The following MGAT4C variants were observed in gnomAD, a reference collection of about 807,000 sequenced individuals.
The protein encoded by MGAT4C is MGAT4 family member C.
Under a neutral mutation model 40.1 loss-of-function variants are expected in MGAT4C, and 19 were observed. The observed-to-expected ratio is 0.47, with a 90% CI of 0.33 to 0.70. MGAT4C has a LOEUF of 0.70. Among genes scored for constraint, MGAT4C ranks in the 30% least tolerant of loss-of-function variants. The probability of loss-of-function intolerance (pLI) is 0.02; values close to 1 mark genes in which losing one functional copy is unlikely to be tolerated. For missense variants in MGAT4C, 491 were observed against 563.2 expected, an observed-to-expected ratio of 0.87 and a Z score of 1.30; for synonymous variants, 181 against 187.1, an observed-to-expected ratio of 0.97 and a Z score of 0.27.
intron 1 of MGAT4C, among the ~76,000 whole-genome samples, chr12:86,757,980 G>A (rs1397667479): frequency 6.6e-6 from 1 of 152,092 alleles, no homozygotes; most frequent in African/African-American, 2.4e-5. Flanking sequence ...AGTATCCTGA[G>A]GGTGAGCTGA....
rs1011773057 is a variant in MGAT4C, at chr12:86,792,017, A to G, written c.-262+46649T>C. On this transcript the variant is annotated intron_variant, in intron 1 of 7. Coordinates refer to the MGAT4C transcript ENST00000548651. Reference sequence around the variant, plus strand: ...CCTAACTTTTTCTTTATTAACAATAACATTTGATAACAATTTGTACTTACA... The same window carrying G: ...CCTAACTTTTTCTTTATTAACAATAGCATTTGATAACAATTTGTACTTACA... Among the ~76,000 whole-genome samples the G allele has an allele frequency of 3.3e-5, 5 of 152,326 alleles. No individual in the cohort carries two copies. The East Asian group carries it at 9.7e-4, about 29-fold the overall frequency.
At chr12:86,077,626 C>G (rs777432670) in intron 1 of MGAT4C, among the ~76,000 whole-genome samples, 3 of 152,200 alleles carry the variant, frequency 2.0e-5, no homozygotes, top group African/African-American at 4.8e-5. Flanking sequence ...TTGCCTTCAG[C>G]AAGCACCTCA....
chr12:86,045,982 C>G (rs1592770950), intron 2 of MGAT4C, among the ~76,000 whole-genome samples: 1 of 152,086 alleles, frequency 6.6e-6, no homozygotes, highest in South Asian at 2.1e-4. Context: ...ATGGTTTTAC[C>G]TGAACACTTG....
intron 2 of MGAT4C, among the ~76,000 whole-genome samples, chr12:86,604,182 G>A (rs1961958430): frequency 1.3e-5 from 2 of 151,828 alleles, no homozygotes; most frequent in Non-Finnish European, 2.9e-5. Context: ...CCACCTGGGA[G>A]AATGGAAATA....
chr12:86,491,823 G>T (rs1373716356), intron 2 of MGAT4C, among the ~76,000 whole-genome samples: 1 of 151,780 alleles, frequency 6.6e-6, no homozygotes. Flanking sequence ...AGGAAATAAA[G>T]GGTATTCAAT....
chr12:86,213,366 G>A (rs909789907), intron 1 of MGAT4C, among the ~76,000 whole-genome samples: 3 of 152,090 alleles, frequency 2.0e-5, no homozygotes, highest in African/African-American at 4.8e-5. Context: ...TAGATTGATC[G>A]GTTCACAGAT....
chr12:86,427,825 C>T (rs992640400), intron 3 of MGAT4C, among the ~76,000 whole-genome samples: 1 of 152,050 alleles, frequency 6.6e-6, no homozygotes, highest in African/African-American at 2.4e-5. Context: ...TCAAGACCAT[C>T]CTGGCTAACA....
chr12:86,708,085 C>A (rs1332914378), intron 2 of MGAT4C, among the ~76,000 whole-genome samples: 1 of 152,156 alleles, frequency 6.6e-6, no homozygotes, highest in Admixed American at 6.5e-5. Flanking sequence ...GAGGTCTTCA[C>A]AGAAGCCGCT....
At chr12:86,497,581 T>G (rs1958260012) in intron 2 of MGAT4C, among the ~76,000 whole-genome samples, 1 of 151,782 alleles carries the variant, frequency 6.6e-6, no homozygotes. Flanking sequence ...CTAGAAGCTA[T>G]AAAATATATG....
chr12:86,655,382 T>C (rs544893706), intron 2 of MGAT4C, among the ~76,000 whole-genome samples: 11 of 152,238 alleles, frequency 7.2e-5, no homozygotes, highest in African/African-American at 2.4e-4. Context: ...ATTTCATGCA[T>C]AGAGAAAAGT....
intron 2 of MGAT4C, among the ~76,000 whole-genome samples, chr12:86,633,750 C>T (rs898737776): frequency 6.6e-5 from 10 of 151,972 alleles, no homozygotes; most frequent in African/African-American, 2.4e-4. Flanking sequence ...TATGTAAAAC[C>T]TAATGGGTAA....
At chr12:86,197,795 G>C (rs1949881155) in intron 1 of MGAT4C, among the ~76,000 whole-genome samples, 1 of 152,080 alleles carries the variant, frequency 6.6e-6, no homozygotes, top group Non-Finnish European at 1.5e-5. Flanking sequence ...TGCATTCTTA[G>C]TAGAATTATT....
intron 1 of MGAT4C, among the ~76,000 whole-genome samples, chr12:86,734,485 A>C (rs79164277): frequency 0.019 from 2,815 of 152,124 alleles, 33 homozygotes; most frequent in Non-Finnish European, 0.029. Context: ...CAAAATTCAT[A>C]TATACAAATC....
chr12:86,313,276 G>T (rs1490600291), intron 4 of MGAT4C, among the ~76,000 whole-genome samples: 3 of 152,014 alleles, frequency 2.0e-5, no homozygotes, highest in Non-Finnish European at 4.4e-5. Flanking sequence ...ACTCACAGAT[G>T]ATGCAACTAA....
At chr12:86,655,002 T>C (rs1268933136) in intron 2 of MGAT4C, among the ~76,000 whole-genome samples, 1 of 152,042 alleles carries the variant, frequency 6.6e-6, no homozygotes, top group Admixed American at 6.6e-5. Context: ...TTTTTGAATC[T>C]TTTGCTCTTG....
Position 85,964,840 on chromosome 12 carries a change from A to G in MGAT4C, c.*14449T>C, listed in dbSNP as rs1486722754. The G allele has an allele frequency of 1.3e-5, 2 of 152,148 alleles. No homozygotes were observed. The highest frequency in any genetic ancestry group is 6.6e-5 in the Admixed American group (1 of 15,260). The allele number at this position is 152,148 out of a possible 1,614,324, so 9.4% of individuals were successfully genotyped here. On this transcript the variant is annotated 3_prime_UTR_variant, in exon 5 of 5. Coordinates refer to ENST00000611864, the MANE Select transcript of MGAT4C (RefSeq NM_001351288.2). Reference sequence around the variant, plus strand: ...TGATTTATTAAAAGTTCTCCATCCCAAAATATATGTCCCATCTGTGGGCTA... The same window carrying G: ...TGATTTATTAAAAGTTCTCCATCCCGAAATATATGTCCCATCTGTGGGCTA...
chr12:85,979,833 T>G lies in MGAT4C; in HGVS notation c.893A>C (p.Gln298Pro), dbSNP rs752818848. 1 of 1,613,830 alleles carries G rather than the reference T, an allele frequency of 6.2e-7. No individual in the cohort carries two copies. Among genetic ancestry groups the G allele is most frequent in the Admixed American group, 1.7e-5 (1 of 59,956 alleles). ...LLTHFRGLLAQKNVIRFKPSL... is the reference protein window; with the variant it reads ...LLTHFRGLLAPKNVIRFKPSL... ...TGGTTTAAAACGGATCACATTTTTC[T>G]GAGCCAACAGACCACGGAAATGAGT... is the stretch of plus-strand genomic sequence containing the variant. The change falls in exon 5 of 5, where the codon CAG becomes CCG. Residue 298 changes from glutamine (Q) to proline (P), a missense_variant. By Grantham distance (76) the Gln-to-Pro change is moderately conservative. Coordinates refer to ENST00000611864, the MANE Select transcript of MGAT4C (RefSeq NM_001351288.2).
chr12:86,205,473 T>C (rs1950215632), intron 1 of MGAT4C, among the ~76,000 whole-genome samples: 1 of 151,676 alleles, frequency 6.6e-6, no homozygotes, highest in African/African-American at 2.4e-5. Flanking sequence ...GTAAAACATA[T>C]ATAATTTTCA....
At chr12:86,688,706 A>G (rs1950120041) in intron 2 of MGAT4C, among the ~76,000 whole-genome samples, 1 of 152,178 alleles carries the variant, frequency 6.6e-6, no homozygotes. Context: ...GTTTCTACAG[A>G]GAGATCTGCT....
Sources: gnomAD v4.1 joint callset for allele counts (sites outside exome capture counted in the v4.1 genomes callset) on GRCh38, gnomAD v4.1.1 for gene constraint, MANE v1.5 for transcripts, NCBI Gene and HGNC (gene_info 2026-07-23, HGNC 2026-07-21) for gene names.